The following TTC39C variants were observed in gnomAD, a reference collection of about 807,000 sequenced individuals.
TTC39C encodes tetratricopeptide repeat protein 39C.
Under a neutral mutation model 76.3 loss-of-function variants are expected in TTC39C, and 33 were observed. That is an observed-to-expected ratio of 0.43 (90% CI 0.33 to 0.58). The LOEUF is 0.58. TTC39C is among the 20% of genes least tolerant of loss of function. The probability of loss-of-function intolerance (pLI) is 0.04; values close to 1 mark genes in which losing one functional copy is unlikely to be tolerated. For synonymous variants in TTC39C, 254 were observed against 260.6 expected (o/e 0.97, Z 0.24); for missense variants, 595 against 701.4 (o/e 0.85, Z 1.71).
In TTC39C at chr18:24,014,889, G is replaced by T; in HGVS notation, c.18G>T (p.Gln6His). 6.8e-7 allele frequency: 1 copy of T among 1,479,180 alleles called. No homozygotes were observed. The allele number at this position is 1,479,180 out of a possible 1,614,324, so 91.6% of individuals were successfully genotyped here. A position where few individuals can be genotyped will look rare whatever the true frequency, so the allele number is the denominator to read the frequency against. ...GCACGCCCATGGCCGGCTCGGAGCA[G>T]CAGCGGCCGCGGCGGCGGGACGACG... MAGSE[Q>H]QRPRRRDDGD... The change falls in exon 1 of 14, where the codon CAG becomes CAT. Residue 6 changes from glutamine to histidine, a missense_variant. By Grantham distance (24) the Gln-to-His change is conservative. Transcript: ENST00000317571.
At chr18:24,023,300 C>T (rs575715555) in intron 1 of TTC39C, among the ~76,000 whole-genome samples, 2 of 152,166 alleles carry the variant, frequency 1.3e-5, no homozygotes, top group Admixed American at 1.3e-4. Context: ...TGCCTGGCCC[C>T]GTCGCTGCCT....
At chr18:24,100,530 G>GC (rs1864889889) in intron 6 of TTC39C, among the ~76,000 whole-genome samples, 1 of 152,240 alleles carries the variant, frequency 6.6e-6, no homozygotes, top group South Asian at 2.1e-4. Context: ...TGGAGTGAGT[G>GC]CCCAGTCGTT....
chr18:24,039,177 G>T (rs757911022), intron 1 of TTC39C, among the ~76,000 whole-genome samples: 1 of 152,174 alleles, frequency 6.6e-6, no homozygotes, highest in Non-Finnish European at 1.5e-5. Flanking sequence ...ACTGCAACTC[G>T]AAATAATTAT....
chr18:24,053,812 A>G (rs1381027701), intron 1 of TTC39C, among the ~76,000 whole-genome samples: 1 of 152,232 alleles, frequency 6.6e-6, no homozygotes, highest in Non-Finnish European at 1.5e-5. Context: ...TTACGTGTTC[A>G]AAGCACATAT....
chr18:23,995,707 GAA>G, intron 1 of TTC39C, among the ~76,000 whole-genome samples: 1 of 143,626 alleles, frequency 7.0e-6, no homozygotes. Context: ...ATCTCTGCCG[GAA>G]AAAAAAAAAA....
intron 6 of TTC39C, among the ~76,000 whole-genome samples, chr18:24,105,442 A>G (rs921772742): frequency 6.6e-6 from 1 of 152,214 alleles, no homozygotes; most frequent in Non-Finnish European, 1.5e-5. Flanking sequence ...CCAACCTAAG[A>G]GGGAAATAAA....
chr18:24,064,308 G>GTTTT, intron 2 of TTC39C, 120 bp downstream of exon 2: 1 of 1,188,688 alleles, frequency 8.4e-7, no homozygotes, highest in Non-Finnish European at 1.2e-6. Context: ...GTTTAAAACT[G>GTTTT]AAATAAAGTT....
intron 1 of TTC39C, among the ~76,000 whole-genome samples, chr18:24,034,028 C>T (rs773670661): frequency 3.9e-5 from 6 of 152,200 alleles, no homozygotes; most frequent in Non-Finnish European, 8.8e-5. Context: ...GACACTGCCC[C>T]TATTTGAGGG....
chr18:24,068,747 C>T (rs1228221763), intron 3 of TTC39C, among the ~76,000 whole-genome samples: 2 of 152,168 alleles, frequency 1.3e-5, no homozygotes, highest in Admixed American at 6.5e-5. Flanking sequence ...CTAATGTTAT[C>T]CTACCTGAAG....
intron 1 of TTC39C, among the ~76,000 whole-genome samples, chr18:24,029,871 T>C (rs893792648): frequency 1.3e-5 from 2 of 152,258 alleles, no homozygotes; most frequent in Non-Finnish European, 1.5e-5. Flanking sequence ...TCATGGTATA[T>C]TTATACCACA....
intron 3 of TTC39C, among the ~76,000 whole-genome samples, chr18:24,066,677 A>C (rs1387484639): frequency 6.6e-6 from 1 of 152,186 alleles, no homozygotes; most frequent in Non-Finnish European, 1.5e-5. Flanking sequence ...CACATACGTC[A>C]CTGACAAATC....
chr18:24,047,094 CT>C (rs113247174), intron 1 of TTC39C, among the ~76,000 whole-genome samples: 2 of 150,762 alleles, frequency 1.3e-5, no homozygotes, highest in Non-Finnish European at 3.0e-5. Flanking sequence ...ATATATATTT[CT>C]TTTTTTTTCT....
At chr18:24,059,162 A>G (rs947104009) in intron 1 of TTC39C, among the ~76,000 whole-genome samples, 5 of 152,030 alleles carry the variant, frequency 3.3e-5, no homozygotes, top group African/African-American at 1.2e-4. Context: ...TGTTCTTCAG[A>G]TTTGATTTGG....
intron 1 of TTC39C, among the ~76,000 whole-genome samples, chr18:24,032,683 G>T (rs1312491697): frequency 6.6e-6 from 1 of 152,180 alleles, no homozygotes; most frequent in Non-Finnish European, 1.5e-5. Flanking sequence ...TTTTTCACTT[G>T]TGGCAGCATG....
intron 4 of TTC39C, among the ~76,000 whole-genome samples, chr18:24,077,748 G>T (rs988821816): frequency 2.0e-5 from 3 of 152,148 alleles, no homozygotes; most frequent in African/African-American, 7.2e-5. Flanking sequence ...AATTGCCTCT[G>T]TGCTCTCAAG....
At chr18:24,041,879 C>T (rs2083797627) in intron 1 of TTC39C, among the ~76,000 whole-genome samples, 1 of 152,136 alleles carries the variant, frequency 6.6e-6, no homozygotes, top group Non-Finnish European at 1.5e-5. Context: ...TACAGTTAAA[C>T]TTCCCTTTCA....
intron 1 of TTC39C, among the ~76,000 whole-genome samples, chr18:24,060,608 G>A (rs1033919263): frequency 1.3e-5 from 2 of 152,026 alleles, no homozygotes; most frequent in Non-Finnish European, 2.9e-5. Flanking sequence ...GCGCCTGGCC[G>A]TATTCTTTTA....
intron 3 of TTC39C, among the ~76,000 whole-genome samples, chr18:24,067,387 G>A (rs1293291116): frequency 6.6e-6 from 1 of 152,118 alleles, no homozygotes; most frequent in Non-Finnish European, 1.5e-5. Context: ...CAGTCTCACG[G>A]TTCTTTAATG....
intron 1 of TTC39C, among the ~76,000 whole-genome samples, chr18:24,025,402 G>A (rs1257600638): frequency 1.3e-5 from 2 of 152,206 alleles, no homozygotes; most frequent in Non-Finnish European, 2.9e-5. Flanking sequence ...GCTGCGGTTT[G>A]TTGACAACTC....
Sources: allele counts gnomAD v4.1 joint callset (sites outside exome capture counted in the v4.1 genomes callset), GRCh38; gene constraint gnomAD v4.1.1; transcripts MANE v1.5; gene names NCBI Gene and HGNC (gene_info 2026-07-23, HGNC 2026-07-21).